RIMS2: variants seen among roughly 807,000 people sequenced by gnomAD.
The protein encoded by RIMS2 is regulating synaptic membrane exocytosis 2, also known as regulating synaptic membrane exocytosis protein 2.
Under a neutral mutation model 174.4 loss-of-function variants are expected in RIMS2, and 59 were observed. The ratio of observed to expected loss-of-function variants is 0.34; its 90% CI spans 0.27 to 0.42. The LOEUF (loss-of-function observed/expected upper bound fraction) is 0.42. Among genes scored for constraint, RIMS2 ranks in the 10% least tolerant of loss-of-function variants. The pLI is 1.00. For synonymous variants in RIMS2, 606 were observed against 572.5 expected, an observed-to-expected ratio of 1.06 and a Z score of -0.84; for missense variants, 1,620 against 1,666.3, an observed-to-expected ratio of 0.97 and a Z score of 0.48.
At chr8:103,680,992 G>T (rs140216341) in intron 1 of RIMS2, among the ~76,000 whole-genome samples, 4 of 151,600 alleles carry the variant, frequency 2.6e-5, no homozygotes, top group Non-Finnish European at 5.9e-5. Context: ...ACTTTATATG[G>T]GTTTAAAAAA....
intron 1 of RIMS2, among the ~76,000 whole-genome samples, chr8:103,565,214 C>T (rs935417713): frequency 3.9e-5 from 6 of 152,150 alleles, no homozygotes; most frequent in African/African-American, 1.4e-4. Context: ...AGCTGCCGTA[C>T]AGCAACTCTC....
chr8:103,782,535 T>C (rs1323060723), intron 3 of RIMS2, among the ~76,000 whole-genome samples: 1 of 151,932 alleles, frequency 6.6e-6, no homozygotes, highest in East Asian at 1.9e-4. Context: ...AATCACTTGG[T>C]TAAAGAATGT....
chr8:103,924,971 C>T (rs2078471027), intron 10 of RIMS2, among the ~76,000 whole-genome samples: 1 of 151,610 alleles, frequency 6.6e-6, no homozygotes, highest in African/African-American at 2.4e-5. Context: ...AGCATTTTCA[C>T]TGACAGCACT....
At chr8:103,824,137 T>A (rs2098771597) in intron 3 of RIMS2, among the ~76,000 whole-genome samples, 1 of 152,116 alleles carries the variant, frequency 6.6e-6, no homozygotes, top group Non-Finnish European at 1.5e-5. Flanking sequence ...GTATATGTCC[T>A]TAATCTGACA....
chr8:103,680,366 T>C (rs1207519671), intron 1 of RIMS2, among the ~76,000 whole-genome samples: 2 of 151,982 alleles, frequency 1.3e-5, no homozygotes, highest in Non-Finnish European at 2.9e-5. Flanking sequence ...TCACAGCACA[T>C]ATAAAAATAA....
At chr8:103,513,975 T>C (rs1827796282) in intron 1 of RIMS2, among the ~76,000 whole-genome samples, 1 of 152,170 alleles carries the variant, frequency 6.6e-6, no homozygotes, top group Non-Finnish European at 1.5e-5. Context: ...TATCTGATTA[T>C]ATAACTCTTT....
At chr8:104,029,407 A>T (rs1050805249) in intron 19 of RIMS2, among the ~76,000 whole-genome samples, 1 of 152,156 alleles carries the variant, frequency 6.6e-6, no homozygotes, top group African/African-American at 2.4e-5. Context: ...GCCTAAAGTT[A>T]TAGGCCTAGT....
At chr8:104,051,896 T>C (rs1286463621) in intron 19 of RIMS2, among the ~76,000 whole-genome samples, 3 of 152,200 alleles carry the variant, frequency 2.0e-5, no homozygotes, top group Admixed American at 1.3e-4. Flanking sequence ...ATATACAGAG[T>C]ATTATTCTTT....
chr8:103,506,870 C>T (rs1440784866), intron 1 of RIMS2, among the ~76,000 whole-genome samples: 1 of 152,070 alleles, frequency 6.6e-6, no homozygotes, highest in Admixed American at 6.5e-5. Flanking sequence ...ATAACTAAGA[C>T]ATAGCAGTGA....
chr8:103,925,112 G>A (rs72681374), intron 10 of RIMS2, among the ~76,000 whole-genome samples: 19,208 of 151,348 alleles, frequency 0.13, 1,687 homozygotes, highest in Non-Finnish European at 0.19. Flanking sequence ...ATAATAGGGC[G>A]TTATAAGAAA....
intron 19 of RIMS2, among the ~76,000 whole-genome samples, chr8:104,082,228 AAG>A (rs973848658): frequency 1.3e-5 from 2 of 151,998 alleles, no homozygotes; most frequent in Non-Finnish European, 2.9e-5. Flanking sequence ...GAAAAGGAAA[AAG>A]AGAATTAAAG....
intron 1 of RIMS2, among the ~76,000 whole-genome samples, chr8:103,586,160 G>C (rs1451010767): frequency 6.6e-6 from 1 of 152,134 alleles, no homozygotes; most frequent in African/African-American, 2.4e-5. Flanking sequence ...GAAGACTTCA[G>C]CACTCCACTT....
chr8:103,671,341 G>A (rs751086940), intron 1 of RIMS2, among the ~76,000 whole-genome samples: 2 of 152,128 alleles, frequency 1.3e-5, no homozygotes, highest in African/African-American at 4.8e-5. Flanking sequence ...GAGTTCATTC[G>A]AATAGCACAT....
At chr8:103,948,362 A>G (rs1285201528) in intron 14 of RIMS2, among the ~76,000 whole-genome samples, 1 of 152,230 alleles carries the variant, frequency 6.6e-6, no homozygotes, top group Non-Finnish European at 1.5e-5. Context: ...GTTCACTGAA[A>G]GACTTGTACG....
At chr8:104,227,484 G>A (rs763721949) in intron 19 of RIMS2, among the ~76,000 whole-genome samples, 6 of 151,984 alleles carry the variant, frequency 3.9e-5, no homozygotes, top group Non-Finnish European at 7.4e-5. Flanking sequence ...GACAATTATA[G>A]GAAAGAAGGA....
At chr8:104,214,216 TA>T (rs1449487041) in intron 19 of RIMS2, among the ~76,000 whole-genome samples, 1 of 152,218 alleles carries the variant, frequency 6.6e-6, no homozygotes. Context: ...TTGTATTTAT[TA>T]GAGAGTTTCT....
At chr8:103,985,485 AAAAAAAAAAAAAAAAAAAGAG>A (rs1443311350) in intron 16 of RIMS2, among the ~76,000 whole-genome samples, 42 of 149,052 alleles carry the variant, frequency 2.8e-4, no homozygotes, top group African/African-American at 9.7e-4. Flanking sequence ...AAAAAAAAAA[AAAAAAAAAAAAAAAAAAAGAG>A]TATAATTGGA....
Position 103,678,695 on chromosome 8 carries a change from G to A in RIMS2, c.177-18391G>A, listed in dbSNP as rs188453923. 1.0e-3 allele frequency among the ~76,000 whole-genome samples: 157 copies of A among 151,980 alleles called. 1 individual carries two copies. Among genetic ancestry groups the A allele is most frequent in the Non-Finnish European group, 1.1e-3 (77 of 67,966 alleles). On this transcript the variant is annotated intron_variant, in intron 1 of 23. Coordinates refer to ENST00000504942, the Ensembl canonical transcript of RIMS2. ...CTTAATCTGTTTTGTATATGAATAC[G>A]TTTGACAGCCTGTTGAAGCCTATCG...
chr8:103,871,963 A>G (rs911694195), intron 3 of RIMS2, among the ~76,000 whole-genome samples: 1 of 152,214 alleles, frequency 6.6e-6, no homozygotes. Context: ...CTGGATGAAC[A>G]GCATTAGCAG....
Sources: gnomAD v4.1 joint callset for allele counts (sites outside exome capture counted in the v4.1 genomes callset) on GRCh38, gnomAD v4.1.1 for gene constraint, MANE v1.5 for transcripts, NCBI Gene and HGNC (gene_info 2026-07-23, HGNC 2026-07-21) for gene names.